The following CLDN14 variants were observed in gnomAD, a reference collection of about 807,000 sequenced individuals.
The protein encoded by CLDN14 is claudin 14.
CLDN14 carries 2 observed loss-of-function variants against 2.1 expected under a neutral mutation model. The observed-to-expected ratio is 0.96, with a 90% CI of 0.39 to 3.01. The LOEUF (loss-of-function observed/expected upper bound fraction) is 3.01, where lower values mean the gene tolerates loss of function less well. CLDN14 is among the 30% of genes most tolerant of loss of function. CLDN14 has a pLI of 0.09. For missense variants in CLDN14, 298 were observed against 328.0 expected, an observed-to-expected ratio of 0.91 and a Z score of 0.71; for synonymous variants, 136 against 154.4, an observed-to-expected ratio of 0.88 and a Z score of 0.88.
Position 36,464,361 on chromosome 21 carries a change from G to A in CLDN14, c.-81-2585C>T, listed in dbSNP as rs73902528. 4.7e-3 allele frequency among the ~76,000 whole-genome samples: 721 copies of A among 152,290 alleles called. 11 individuals are homozygous for A. Among genetic ancestry groups the A allele is most frequent in the African/African-American group, 0.016 (676 of 41,552 alleles). On this transcript the variant is annotated intron_variant, in intron 1 of 1. Coordinates refer to ENST00000399135, the MANE Select transcript of CLDN14 (RefSeq NM_001146079.2). ...TTGACTCAGGTTGCATTGCGAGAAC[G>A]GACTGATACACCGAGTATTTTTCTG...
At chr21:36,543,859 GCCAC>G (rs762377754) in intron 1 of CLDN14, among the ~76,000 whole-genome samples, 63 of 152,190 alleles carry the variant, frequency 4.1e-4, no homozygotes, top group Non-Finnish European at 6.6e-4. Flanking sequence ...CACGTAAACA[GCCAC>G]CCCCATACTG....
chr21:36,489,843 C>T (rs528689051), intron 2 of CLDN14, among the ~76,000 whole-genome samples: 1 of 152,206 alleles, frequency 6.6e-6, no homozygotes, highest in Non-Finnish European at 1.5e-5. Flanking sequence ...GGCCTCCCAT[C>T]CAAGCCCCAA....
chr21:36,476,419 G>A (rs998065256), intron 1 of CLDN14, among the ~76,000 whole-genome samples: 21 of 151,596 alleles, frequency 1.4e-4, no homozygotes, highest in African/African-American at 5.1e-4. Flanking sequence ...TGGCCAAGAA[G>A]TTACCCCACA....
intron 1 of CLDN14, among the ~76,000 whole-genome samples, chr21:36,539,666 T>G (rs1331892603): frequency 2.0e-5 from 3 of 147,342 alleles, no homozygotes; most frequent in African/African-American, 7.6e-5. Context: ...TGAGTATGTG[T>G]GTAGTGAATA....
chr21:36,501,965 G>A (rs552442193), intron 2 of CLDN14, among the ~76,000 whole-genome samples: 11 of 150,826 alleles, frequency 7.3e-5, no homozygotes, highest in Admixed American at 4.0e-4. Context: ...CCCAAAAGGC[G>A]TTAAGCTATT....
At chr21:36,528,962 A>G (rs546410566) in intron 1 of CLDN14, among the ~76,000 whole-genome samples, 100 of 152,306 alleles carry the variant, frequency 6.6e-4, no homozygotes, top group Non-Finnish European at 1.1e-3. Flanking sequence ...GCAGAACTCC[A>G]AGCAAGGGGG....
At chr21:36,500,721 C>G (rs750346638) in intron 2 of CLDN14, among the ~76,000 whole-genome samples, 13 of 152,232 alleles carry the variant, frequency 8.5e-5, no homozygotes, top group Non-Finnish European at 1.8e-4. Flanking sequence ...CGCACGTCAC[C>G]GTGCCCGGCT....
intron 2 of CLDN14, among the ~76,000 whole-genome samples, chr21:36,492,138 TAAA>T: frequency 6.8e-6 from 1 of 147,564 alleles, no homozygotes; most frequent in African/African-American, 2.6e-5. Context: ...ACTCTGTCTC[TAAA>T]AAAAATGCAA....
intron 2 of CLDN14, among the ~76,000 whole-genome samples, chr21:36,492,953 C>T (rs2086983128): frequency 6.6e-6 from 1 of 152,150 alleles, no homozygotes; most frequent in South Asian, 2.1e-4. Context: ...CCCCTCTCTG[C>T]CTGGGAGCTC....
intron 1 of CLDN14, among the ~76,000 whole-genome samples, chr21:36,520,202 C>T (rs2087259715): frequency 6.6e-6 from 1 of 152,138 alleles, no homozygotes; most frequent in East Asian, 1.9e-4. Flanking sequence ...CTCTGTGGGT[C>T]TGTGTGTCCA....
chr21:36,543,212 TTC>T (rs2087504265), intron 1 of CLDN14, among the ~76,000 whole-genome samples: 1 of 152,218 alleles, frequency 6.6e-6, no homozygotes, highest in African/African-American at 2.4e-5. Flanking sequence ...AGCACCCAAC[TTC>T]TCCGTTCTCT....
rs538103064 is a variant in CLDN14 at position 36,498,590 on chromosome 21, A to G, written c.-82+11773T>C. On this transcript the variant is annotated intron_variant, in intron 2 of 2. Coordinates refer to the CLDN14 transcript ENST00000342108. The surrounding 1 kb of genome is among the most constrained non-coding windows in gnomAD (Gnocchi z 4.9). ...GAGTATAAGCCTCTATAAACTGAGC[A>G]CTGTTGCAGGCGATGGGGACGTGGA... 2.0e-5 allele frequency among the ~76,000 whole-genome samples: 3 copies of G among 152,286 alleles called. No homozygotes were observed. The highest frequency in any genetic ancestry group is 7.2e-5 in the African/African-American group (3 of 41,556).
Position 36,559,900 on chromosome 21 carries a change from G to T in CLDN14, c.-220+16511C>A, listed in dbSNP as rs1184394208. Among the ~76,000 whole-genome samples, 5 of 152,154 alleles carry T rather than the reference G, an allele frequency of 3.3e-5. No individual in the cohort carries two copies. The East Asian group carries it at 9.7e-4, about 29-fold the overall frequency. ...CAAAGGAACATTATTCTCCTTAATG[G>T]TGACTTTTTGAATCATTTATCTGTA... is the stretch of plus-strand genomic sequence containing the variant. On this transcript the variant is annotated intron_variant, in intron 1 of 2. Coordinates refer to the CLDN14 transcript ENST00000342108.
At chr21:36,487,508 A>G (rs2086910548) in intron 2 of CLDN14, 1 of 153,068 alleles carries the variant, frequency 6.5e-6, no homozygotes, top group African/African-American at 2.4e-5. Context: ...ATCAGATAGA[A>G]TTTTCTTTAG....
chr21:36,512,869 A>C lies in CLDN14; in HGVS notation c.-219-2369T>G, dbSNP rs573568174. On this transcript the variant is annotated intron_variant, in intron 1 of 2. Coordinates refer to the CLDN14 transcript ENST00000342108. ...TTTACCACACATACTTTTGTATTGAATACATTATTTAGAACAAGAAAGTCT... is the reference window on the plus strand; with the variant it reads ...TTTACCACACATACTTTTGTATTGACTACATTATTTAGAACAAGAAAGTCT... 7.2e-5 allele frequency among the ~76,000 whole-genome samples: 11 copies of C among 152,374 alleles called. No individual in the cohort carries two copies. The South Asian group carries it at 2.1e-3, about 29-fold the overall frequency.
chr21:36,489,193 G>GGAGAGAGAGAGAGAAAGAGA (rs55876435), intron 2 of CLDN14, among the ~76,000 whole-genome samples: 71 of 140,266 alleles, frequency 5.1e-4, no homozygotes, highest in Non-Finnish European at 8.9e-4. Flanking sequence ...ATGGGGGGCG[G>GGAGAGAGAGAGAGAAAGAGA]GAGAGAGAGA....
At chr21:36,524,716 C>T (rs2087309868) in intron 1 of CLDN14, among the ~76,000 whole-genome samples, 2 of 152,192 alleles carry the variant, frequency 1.3e-5, no homozygotes, top group South Asian at 2.1e-4. Flanking sequence ...CAGAGACAGC[C>T]ACTGGCCACT....
intron 2 of CLDN14, among the ~76,000 whole-genome samples, chr21:36,490,131 C>T (rs1215297119): frequency 6.6e-6 from 1 of 152,242 alleles, no homozygotes; most frequent in Non-Finnish European, 1.5e-5. Flanking sequence ...AGAGGCTCCA[C>T]AGACACTCAG....
intron 1 of CLDN14, among the ~76,000 whole-genome samples, chr21:36,547,621 G>C (rs117128679): frequency 0.016 from 2,379 of 152,270 alleles, 23 homozygotes; most frequent in Middle Eastern, 0.034. Flanking sequence ...AAATGCGAGG[G>C]TCCCTGTGCC....
Sources: gnomAD v4.1 joint callset for allele counts (sites outside exome capture counted in the v4.1 genomes callset) on GRCh38, gnomAD v4.1.1 for gene constraint, Gnocchi (gnomAD v3.1) non-coding constraint, MANE v1.5 for transcripts, NCBI Gene and HGNC (gene_info 2026-07-23, HGNC 2026-07-21) for gene names.